The following ARHGEF38 variants were observed in gnomAD, a reference collection of about 807,000 sequenced individuals.
ARHGEF38 encodes Rho guanine nucleotide exchange factor (GEF) 38.
In ARHGEF38, 79 loss-of-function variants were observed where a neutral mutation model predicts 79.9. That is an observed-to-expected ratio of 0.99 (90% CI 0.82 to 1.19). ARHGEF38 has a LOEUF of 1.19. Ranked by LOEUF, ARHGEF38 falls within the 50% of genes most tolerant of loss-of-function variation. The pLI is 0.00. For missense variants in ARHGEF38, 962 were observed against 907.2 expected, an observed-to-expected ratio of 1.06 and a Z score of -0.78; for synonymous variants, 366 against 328.3, an observed-to-expected ratio of 1.11 and a Z score of -1.24.
rs147082204 is a variant in ARHGEF38 at position 105,660,215 on chromosome 4, C to T, written c.1545+850C>T. On this transcript the variant is annotated intron_variant, in intron 10 of 13. Coordinates refer to ENST00000420470, the MANE Select transcript of ARHGEF38 (RefSeq NM_001242729.2). Reference sequence around the variant, plus strand: ...ATGTATAATCAGTCTCACACTCATACCTGTTCCTCTAGCATCCCATTCGCC... The same window carrying T: ...ATGTATAATCAGTCTCACACTCATATCTGTTCCTCTAGCATCCCATTCGCC... Among the ~76,000 whole-genome samples the T allele has an allele frequency of 2.1e-3, 316 of 152,232 alleles. 2 individuals are homozygous for T. The highest frequency in any genetic ancestry group is 7.4e-3 in the African/African-American group (307 of 41,538).
chr4:105,578,526 A>G (rs1726618782), intron 1 of ARHGEF38, among the ~76,000 whole-genome samples: 1 of 151,980 alleles, frequency 6.6e-6, no homozygotes, highest in African/African-American at 2.4e-5. Context: ...GGAGTATTGA[A>G]TTTTCCCACT....
chr4:105,587,679 C>T (rs1727124009), intron 1 of ARHGEF38, among the ~76,000 whole-genome samples: 1 of 152,140 alleles, frequency 6.6e-6, no homozygotes, highest in South Asian at 2.1e-4. Flanking sequence ...CCAGGATGAT[C>T]TCGATCTCCT....
rs780855992 is a variant in ARHGEF38, at chr4:105,631,001, A to G, written c.612A>G (p.Glu204=). 2 of 1,613,942 alleles carry G rather than the reference A, an allele frequency of 1.2e-6. No individual in the cohort carries two copies. Among genetic ancestry groups the G allele is most frequent in the Non-Finnish European group, 1.7e-6 (2 of 1,179,896 alleles). Residue 204 remains glutamate (E), a synonymous_variant, in exon 4 of 14, where the codon GAA becomes GAG. Coordinates refer to ENST00000420470, the MANE Select transcript of ARHGEF38 (RefSeq NM_001242729.2). ...AHSILESYEK[E]EELKEHLSHC... ...GTATACTGGAGTCCTATGAAAAGGA[A>G]GAAGAGCTGAAGGAACATTTGAGCC...
intron 5 of ARHGEF38, among the ~76,000 whole-genome samples, chr4:105,644,950 C>A (rs1282314130): frequency 1.3e-5 from 2 of 152,024 alleles, no homozygotes; most frequent in Non-Finnish European, 2.9e-5. Flanking sequence ...GAAAATCATG[C>A]TTTGAGACAA....
intron 2 of ARHGEF38, among the ~76,000 whole-genome samples, chr4:105,612,711 C>A (rs1017638176): frequency 2.6e-5 from 4 of 152,070 alleles, no homozygotes; most frequent in East Asian, 1.9e-4. Context: ...AGTCTGGATT[C>A]TTTCGTAATT....
chr4:105,558,637 A>G (rs1725365397), intron 1 of ARHGEF38, among the ~76,000 whole-genome samples: 1 of 151,534 alleles, frequency 6.6e-6, no homozygotes, highest in South Asian at 2.1e-4. Flanking sequence ...TTCAGTAGAG[A>G]CATCTTGCAG....
chr4:105,631,444 A>G (rs537270181), intron 4 of ARHGEF38: 1 of 986,238 alleles, frequency 1.0e-6, no homozygotes, highest in Admixed American at 6.1e-5. Context: ...ATGGCCTACA[A>G]CTCTGCATGG....
chr4:105,561,639 G>C (rs757151613), intron 1 of ARHGEF38: 4 of 152,078 alleles, frequency 2.6e-5, no homozygotes, highest in Non-Finnish European at 5.9e-5. Flanking sequence ...CCGACCTAAA[G>C]TGATGTAGGT....
chr4:105,606,388 A>G (rs1158106320), intron 2 of ARHGEF38, among the ~76,000 whole-genome samples: 2 of 152,076 alleles, frequency 1.3e-5, no homozygotes, highest in Non-Finnish European at 2.9e-5. Flanking sequence ...TATATATGGA[A>G]TTTTTAAGTT....
At position 105,630,981 on chromosome 4, in the gene ARHGEF38, C is replaced by G; in HGVS notation, c.592C>G (p.Leu198Val). 1 of 1,613,864 alleles carries G rather than the reference C, an allele frequency of 6.2e-7. No homozygotes were observed. The change falls in exon 4 of 14, where the codon CTG (leucine) becomes GTG (valine). Residue 198 changes from leucine to valine, a missense_variant. By Grantham distance (32) the Leu-to-Val change is conservative (BLOSUM62 1). Transcript: ENST00000420470. Reference protein sequence around the residue: ...CYHHDEAHSILESYEKEEELK... With the variant: ...CYHHDEAHSIVESYEKEEELK... ...TCACCATGATGAAGCACATAGTATA[C>G]TGGAGTCCTATGAAAAGGAAGAAGA...
intron 13 of ARHGEF38, among the ~76,000 whole-genome samples, chr4:105,672,290 T>A (rs1730981679): frequency 6.6e-6 from 1 of 152,158 alleles, no homozygotes; most frequent in Non-Finnish European, 1.5e-5. Context: ...ATGTTAGAAA[T>A]CACTGCTGTA....
chr4:105,590,988 C>T (rs78246181), intron 2 of ARHGEF38, among the ~76,000 whole-genome samples: 1,870 of 151,908 alleles, frequency 0.012, 15 homozygotes, highest in Non-Finnish European at 0.016. Context: ...TATTCTTTTT[C>T]CATCCCACAT....
chr4:105,677,649 C>CA (rs1480757468), intron 13 of ARHGEF38, 103 bp from the exon 14 acceptor site: 20 of 1,136,030 alleles, frequency 1.8e-5, no homozygotes, highest in East Asian at 5.4e-5. Context: ...TTTGGCAAAA[C>CA]AAAAAAACTT....
At chr4:105,566,793 G>T (rs1302438395) in intron 1 of ARHGEF38, among the ~76,000 whole-genome samples, 4 of 138,800 alleles carry the variant, frequency 2.9e-5, no homozygotes, top group South Asian at 2.2e-4. Context: ...TGCTCTTGTT[G>T]CCCAGGCTGG....
At chr4:105,618,718 T>A (rs1728616519) in intron 3 of ARHGEF38, among the ~76,000 whole-genome samples, 1 of 152,204 alleles carries the variant, frequency 6.6e-6, no homozygotes, top group African/African-American at 2.4e-5. Flanking sequence ...GATGCTATGT[T>A]TAGTGGGTGA....
chr4:105,555,949 C>T (rs929916910), intron 1 of ARHGEF38, among the ~76,000 whole-genome samples: 6 of 152,110 alleles, frequency 3.9e-5, no homozygotes, highest in Non-Finnish European at 8.8e-5. Context: ...TGAATTAAAA[C>T]GATAGAACAT....
intron 2 of ARHGEF38, among the ~76,000 whole-genome samples, chr4:105,601,810 A>G (rs532375433): frequency 6.6e-6 from 1 of 152,258 alleles, no homozygotes; most frequent in African/African-American, 2.4e-5. Context: ...TAAGTAAGGC[A>G]TTGCCAGTGC....
chr4:105,567,043 A>T (rs967218095), intron 1 of ARHGEF38, among the ~76,000 whole-genome samples: 5 of 152,130 alleles, frequency 3.3e-5, no homozygotes, highest in African/African-American at 7.2e-5. Context: ...CTCGCCTGCC[A>T]TCCTTTTACT....
intron 2 of ARHGEF38, among the ~76,000 whole-genome samples, chr4:105,613,050 A>C (rs1728362443): frequency 1.3e-5 from 2 of 152,158 alleles, no homozygotes; most frequent in African/African-American, 4.8e-5. Context: ...GCAGTAAACT[A>C]TTCTAAATCC....
Sources: gnomAD v4.1 joint callset for allele counts (sites outside exome capture counted in the v4.1 genomes callset) on GRCh38, gnomAD v4.1.1 for gene constraint, MANE v1.5 for transcripts, NCBI Gene and HGNC (gene_info 2026-07-23, HGNC 2026-07-21) for gene names.